The following KCNG2 variants were observed in gnomAD, a reference collection of about 807,000 sequenced individuals.
The protein encoded by KCNG2 is potassium voltage-gated channel modifier subfamily G member 2.
KCNG2 carries 7 observed loss-of-function variants against 12.3 expected under a neutral mutation model. The ratio of observed to expected loss-of-function variants is 0.57; its 90% CI spans 0.32 to 1.07. The LOEUF is 1.07. Ranked by LOEUF, KCNG2 falls within the 50% of genes least tolerant of loss-of-function variation. The pLI, the probability that KCNG2 is intolerant of heterozygous loss-of-function variation, is 0.04. For synonymous variants in KCNG2, 414 were observed against 351.4 expected (o/e 1.18, Z -1.99); for missense variants, 703 against 726.0 (o/e 0.97, Z 0.36).
intron 1 of KCNG2, among the ~76,000 whole-genome samples, chr18:79,855,041 T>G (rs977884218): frequency 6.6e-6 from 1 of 152,202 alleles, no homozygotes; most frequent in Non-Finnish European, 1.5e-5. Flanking sequence ...GTTTTTTGTT[T>G]GTTTGTTTTA....
chr18:79,821,120 TTGAA>T (rs1568245321), intron 1 of KCNG2, among the ~76,000 whole-genome samples: 2 of 152,162 alleles, frequency 1.3e-5, no homozygotes, highest in Non-Finnish European at 2.9e-5. Flanking sequence ...AGTTTTTAAT[TTGAA>T]TGAAGCTCAG....
chr18:79,801,941 C>A (rs538565572), intron 1 of KCNG2, among the ~76,000 whole-genome samples: 1 of 152,224 alleles, frequency 6.6e-6, no homozygotes, highest in Non-Finnish European at 1.5e-5. Context: ...TAGCCAGGGA[C>A]TCTGGGGACC....
chr18:79,899,275 T>C lies in KCNG2; in HGVS notation c.860T>C (p.Leu287Pro). ...TKLLERAGLV[L>P]RLLRALRVLY... is the part of the protein sequence containing the mutation. ...CTCCTGGAGCGCGCGGGGCTGGTGC[T>C]GCGGCTGCTGCGTGCGCTGCGCGTG... is the stretch of plus-strand genomic sequence containing the variant. The change falls in exon 4 of 4, where the codon CTG becomes CCG. Residue 287 changes from leucine (L) to proline (P), a missense_variant. Transcript: ENST00000316249. The C allele has an allele frequency of 6.3e-7, 1 of 1,577,354 alleles. No homozygotes were observed. The highest frequency in any genetic ancestry group is 8.5e-7 in the Non-Finnish European group (1 of 1,169,970).
Position 79,863,811 on chromosome 18 carries a change from C to T in KCNG2, c.144C>T (p.Ala48=), listed in dbSNP as rs141805464. The change falls in exon 3 of 4, where the codon GCC becomes GCT. Residue 48 remains alanine (A), a synonymous_variant. Coordinates refer to ENST00000316249, the MANE Select transcript of KCNG2 (RefSeq NM_012283.2). ...TCGCGCGCCTGGAGCGCCTGCGCGC[C>T]TGCCGCGGCCACGACGACCTGCTGC... ...CPLARLERLR[A]CRGHDDLLRV... is the part of the protein sequence containing the mutation. 3,677 of 1,343,264 alleles carry T rather than the reference C, an allele frequency of 2.7e-3. 93 individuals carry two copies. In the African/African-American group the frequency reaches 0.053, roughly 19 times the overall value. 83.2% of individuals were successfully genotyped at this position (1,343,264 alleles called of 1,614,324 possible).
In KCNG2 at chr18:79,803,280, T is replaced by C. The variant is rs1374512718; in HGVS notation, c.-115+5266T>C. 3.3e-5 allele frequency among the ~76,000 whole-genome samples: 5 copies of C among 152,016 alleles called. No individual in the cohort carries two copies. The highest frequency in any genetic ancestry group is 7.4e-5 in the Non-Finnish European group (5 of 68,004). ...CAGGCCCCCAGCTCTTTCACCTCTG[T>C]AGTCACAGGGCAGGGCCAGCCCCCT... is the stretch of plus-strand genomic sequence containing the variant. On this transcript the variant is annotated intron_variant, in intron 1 of 3. Coordinates refer to ENST00000316249, the MANE Select transcript of KCNG2 (RefSeq NM_012283.2). The surrounding 1 kb of genome is among the most constrained non-coding windows in gnomAD (Gnocchi z 4.5).
intron 1 of KCNG2, among the ~76,000 whole-genome samples, chr18:79,816,820 C>G (rs1450261529): frequency 2.0e-5 from 3 of 152,194 alleles, no homozygotes; most frequent in African/African-American, 7.2e-5. Context: ...AACCGGGGAC[C>G]AGACACAACA....
intron 3 of KCNG2, among the ~76,000 whole-genome samples, chr18:79,870,848 G>A (rs1293264654): frequency 6.6e-6 from 1 of 152,200 alleles, no homozygotes; most frequent in Non-Finnish European, 1.5e-5. Context: ...ACACCGAGTT[G>A]TGTCAGCTCA....
rs193178818 is a variant in KCNG2 at position 79,838,971 on chromosome 18, G to A, written c.-114-17408G>A. On this transcript the variant is annotated intron_variant, in intron 1 of 3. Coordinates refer to ENST00000316249, the MANE Select transcript of KCNG2 (RefSeq NM_012283.2). ...CAGTAGAACAATAGGGAAAAGCAGT[G>A]AAACAAAGAGCCGACTCTTTGAAAG... Among the ~76,000 whole-genome samples the A allele has an allele frequency of 1.1e-3, 162 of 152,200 alleles. 1 individual carries two copies. The highest frequency in any genetic ancestry group is 3.3e-3 in the African/African-American group (137 of 41,530).
intron 1 of KCNG2, among the ~76,000 whole-genome samples, chr18:79,826,938 A>G (rs2123015277): frequency 6.6e-6 from 1 of 152,390 alleles, no homozygotes; most frequent in Admixed American, 6.5e-5. Context: ...TAAAAATTAT[A>G]ATTATTAAAA....
intron 1 of KCNG2, among the ~76,000 whole-genome samples, chr18:79,825,111 G>A (rs951646286): frequency 1.3e-5 from 2 of 152,082 alleles, no homozygotes; most frequent in Non-Finnish European, 2.9e-5. Context: ...ACAGTCAGTA[G>A]TAACTTTCTG....
In KCNG2 at chr18:79,899,882, C is replaced by T. The variant is rs1981153868; in HGVS notation, c.*66C>T. 8.7e-6 allele frequency: 11 copies of T among 1,269,854 alleles called. No homozygotes were observed. The highest frequency in any genetic ancestry group is 1.0e-5 in the Non-Finnish European group (10 of 1,004,746). 78.7% of individuals were successfully genotyped at this position (1,269,854 alleles called of 1,614,324 possible). On this transcript the variant is annotated 3_prime_UTR_variant, in exon 4 of 4. Coordinates refer to ENST00000316249, the MANE Select transcript of KCNG2 (RefSeq NM_012283.2). ...CTGCAGCGTCGGGACCCCCGAGGTG[C>T]GCCAAGGGGTGGGGGGCGTCTGGCC... is the stretch of plus-strand genomic sequence containing the variant.
At chr18:79,843,889 C>A (rs1309069870) in intron 1 of KCNG2, among the ~76,000 whole-genome samples, 1 of 152,094 alleles carries the variant, frequency 6.6e-6, no homozygotes, top group Non-Finnish European at 1.5e-5. Flanking sequence ...TCAATAATTA[C>A]TTTAAATTTA....
intron 1 of KCNG2, among the ~76,000 whole-genome samples, chr18:79,804,835 T>TA (rs1169737766): frequency 6.6e-6 from 1 of 152,208 alleles, no homozygotes; most frequent in Non-Finnish European, 1.5e-5. Flanking sequence ...AAATGAAAAT[T>TA]AAAAAGAAGT....
rs115290227 is a variant in KCNG2 at position 79,851,918 on chromosome 18, C to A, written c.-114-4461C>A. Among the ~76,000 whole-genome samples, 698 of 152,318 alleles carry A rather than the reference C, an allele frequency of 4.6e-3. 9 individuals are homozygous for A. The highest frequency in any genetic ancestry group is 0.016 in the African/African-American group (668 of 41,550). On this transcript the variant is annotated intron_variant, in intron 1 of 3. Coordinates refer to ENST00000316249, the MANE Select transcript of KCNG2 (RefSeq NM_012283.2). ...CATCTGCATTGGCTGTCAGTCCTCA[C>A]AACAGCCTTGTAAGGTAGGTGCTAT... is the stretch of plus-strand genomic sequence containing the variant.
intron 3 of KCNG2, among the ~76,000 whole-genome samples, chr18:79,897,028 C>T (rs1384343599): frequency 3.3e-5 from 5 of 152,134 alleles, no homozygotes; most frequent in Non-Finnish European, 4.4e-5. Flanking sequence ...CTTTGACCTT[C>T]GTTACTTGTA....
intron 3 of KCNG2, among the ~76,000 whole-genome samples, chr18:79,883,482 C>T (rs2123113625): frequency 6.6e-6 from 1 of 152,342 alleles, no homozygotes; most frequent in South Asian, 2.1e-4. Flanking sequence ...TGCACACAGT[C>T]TTTGAAGGCT....
chr18:79,836,864 T>C (rs1480454084), intron 1 of KCNG2, among the ~76,000 whole-genome samples: 1 of 152,120 alleles, frequency 6.6e-6, no homozygotes, highest in African/African-American at 2.4e-5. Flanking sequence ...AAGCTGAGAT[T>C]TGAGTAGAGA....
intron 3 of KCNG2, among the ~76,000 whole-genome samples, chr18:79,871,525 G>A (rs1452765759): frequency 2.6e-5 from 4 of 152,078 alleles, no homozygotes; most frequent in Non-Finnish European, 5.9e-5. Context: ...AACAAGGGCT[G>A]TATTAGGGCC....
intron 3 of KCNG2, among the ~76,000 whole-genome samples, chr18:79,873,136 G>T (rs115360354): frequency 0.015 from 2,252 of 152,234 alleles, 61 homozygotes; most frequent in African/African-American, 0.052. Context: ...ACAGCACTCG[G>T]GCAGGAAAAC....
Sources: gnomAD v4.1 joint callset for allele counts (sites outside exome capture counted in the v4.1 genomes callset) on GRCh38, gnomAD v4.1.1 for gene constraint, Gnocchi (gnomAD v3.1) non-coding constraint, MANE v1.5 for transcripts, NCBI Gene and HGNC (gene_info 2026-07-23, HGNC 2026-07-21) for gene names.